The following MED14 variants were observed in gnomAD, a reference collection of about 807,000 sequenced individuals.
The protein encoded by MED14 is mediator complex subunit 14, also known as mediator of RNA polymerase II transcription subunit 14.
Under a neutral mutation model 109.0 loss-of-function variants are expected in MED14, and 8 were observed. The ratio of observed to expected loss-of-function variants is 0.07; its 90% CI spans 0.04 to 0.13. The LOEUF (loss-of-function observed/expected upper bound fraction) is 0.13, where lower values mean the gene tolerates loss of function less well. Among genes scored for constraint, MED14 ranks in the 10% least tolerant of loss-of-function variants. The pLI is 1.00. For synonymous variants in MED14, 399 were observed against 408.7 expected (o/e 0.98, Z 0.29); for missense variants, 711 against 1,142.4 (o/e 0.62, Z 5.44).
rs768188941 is a variant in MED14 at position 40,673,148 on chromosome X, C to T, written c.3022-1176G>A. 6.3e-5 allele frequency among the ~76,000 whole-genome samples: 7 copies of T among 111,936 alleles called. No individual in the cohort carries two copies. The East Asian group carries it at 2.0e-3, about 31-fold the overall frequency. On this transcript the variant is annotated intron_variant, in intron 22 of 30. Transcript: ENST00000324817. ...CAGATATCTGATAAACAGAAAAAAA[C>T]TGAAAACTGAAACTGCTCAATCAAA... is the stretch of plus-strand genomic sequence containing the variant.
intron 16 of MED14, among the ~76,000 whole-genome samples, chrX:40,686,627 T>C (rs1242737856): frequency 8.9e-6 from 1 of 111,942 alleles, no homozygotes; most frequent in African/African-American, 3.2e-5. Flanking sequence ...ATGGGTTATG[T>C]GACACTATTT....
At chrX:40,717,968 T>G (rs953258111) in intron 3 of MED14, among the ~76,000 whole-genome samples, 1 of 112,369 alleles carries the variant, frequency 8.9e-6, no homozygotes, top group Non-Finnish European at 1.9e-5. Context: ...CTCAGTGTTT[T>G]CAAACATTTT....
At chrX:40,670,025 C>A (rs888995323) in intron 23 of MED14, among the ~76,000 whole-genome samples, 2 of 111,607 alleles carry the variant, frequency 1.8e-5, no homozygotes, top group African/African-American at 6.5e-5. Context: ...CACAACCCAC[C>A]CCCCAAATAA....
rs778829013 is a variant in MED14, at chrX:40,654,800, C to T, written c.4098+135G>A. ...AGGAACCAGGATGTCATGACATCTA[C>T]GCTGACAATTAAGGAATCCTGGCCT... On this transcript the variant is annotated intron_variant, in intron 29 of 30. Coordinates refer to ENST00000324817, the MANE Select transcript of MED14 (RefSeq NM_004229.4). 1.9e-5 allele frequency: 16 copies of T among 850,158 alleles called. No individual in the cohort carries two copies. The South Asian group carries it at 2.6e-4, about 14-fold the overall frequency. 70.1% of individuals were successfully genotyped at this position (850,158 alleles called of 1,213,427 possible). A position where few individuals can be genotyped will look rare whatever the true frequency, so the allele number is the denominator to read the frequency against.
intron 3 of MED14, among the ~76,000 whole-genome samples, chrX:40,720,992 C>T (rs1197119104): frequency 1.8e-5 from 2 of 110,775 alleles, no homozygotes; most frequent in Non-Finnish European, 3.8e-5. Context: ...TAACCAGCGG[C>T]GATACCCAGG....
intron 12 of MED14, among the ~76,000 whole-genome samples, chrX:40,698,783 G>C (rs1428528477): frequency 1.8e-5 from 2 of 112,223 alleles, no homozygotes; most frequent in Non-Finnish European, 3.8e-5. Flanking sequence ...CAAGGATGTA[G>C]AGAAATGGAA....
intron 3 of MED14, among the ~76,000 whole-genome samples, chrX:40,724,251 C>A (rs1931827322): frequency 8.9e-6 from 1 of 112,441 alleles, no homozygotes; most frequent in Non-Finnish European, 1.9e-5. Flanking sequence ...GACTTCAACA[C>A]CCCGCTTTCA....
chrX:40,730,910 C>CG (rs1015683499), intron 1 of MED14, among the ~76,000 whole-genome samples: 2 of 46,601 alleles, frequency 4.3e-5, no homozygotes, highest in Non-Finnish European at 8.1e-5. Context: ...GGCTTGGTGG[C>CG]GGGGGGGTGG....
intron 10 of MED14, among the ~76,000 whole-genome samples, chrX:40,707,279 C>T (rs1213765895): frequency 8.9e-6 from 1 of 112,265 alleles, no homozygotes; most frequent in Non-Finnish European, 1.9e-5. Context: ...GAGATAACTG[C>T]ATATCCTCAC....
At chrX:40,704,387 A>AGATACAGAGGAGAATGGT (rs1392617386) in intron 10 of MED14, among the ~76,000 whole-genome samples, 1 of 112,171 alleles carries the variant, frequency 8.9e-6, no homozygotes, top group African/African-American at 3.2e-5. Flanking sequence ...AAAAAAAGGC[A>AGATACAGAGGAGAATGGT]GATACAGAGG....
rs750749445 is a variant in MED14 at position 40,729,298 on chromosome X, GTT to G, written c.242+19_242+20del. 1 of 1,068,937 alleles carries G rather than the reference GTT, an allele frequency of 9.4e-7. No individual in the cohort carries two copies. Among genetic ancestry groups the G allele is most frequent in the Admixed American group, 2.6e-5 (1 of 38,574 alleles). The allele number at this position is 1,068,937 out of a possible 1,213,427, so 88.1% of individuals were successfully genotyped here. A position where few individuals can be genotyped will look rare whatever the true frequency, so the allele number is the denominator to read the frequency against. On this transcript the variant is annotated intron_variant, in intron 2 of 30. Coordinates refer to ENST00000324817, the MANE Select transcript of MED14 (RefSeq NM_004229.4). ...ATTGATCAATAAAGAGACTTTAAGGGTTTTTTTTTTCCATACTCACCTTTCCA... is the reference window on the plus strand; with the variant it reads ...ATTGATCAATAAAGAGACTTTAAGGGTTTTTTTTCCATACTCACCTTTCCA...
upstream of MED14, chrX:40,735,576 A>C: frequency 3.7e-6 from 2 of 543,819 alleles, no homozygotes; most frequent in Non-Finnish European, 6.3e-6. Flanking sequence ...GCCCGCCCCC[A>C]TGTAGCGAGA....
At chrX:40,692,557 C>T (rs1930561685) in intron 14 of MED14, 151 bp downstream of exon 14, 1 of 579,145 alleles carries the variant, frequency 1.7e-6, no homozygotes, top group South Asian at 3.5e-5. Flanking sequence ...GAAGCATTTT[C>T]AAGAAAATGT....
At chrX:40,734,286 T>C (rs900886051) in intron 1 of MED14, among the ~76,000 whole-genome samples, 1 of 112,002 alleles carries the variant, frequency 8.9e-6, no homozygotes, top group East Asian at 2.8e-4. Context: ...GTACAATACA[T>C]CAAAACTGAG....
At chrX:40,657,415 T>C (rs1341885589) in intron 28 of MED14, among the ~76,000 whole-genome samples, 1 of 110,645 alleles carries the variant, frequency 9.0e-6, no homozygotes, top group African/African-American at 3.3e-5. Flanking sequence ...GAGAACACCA[T>C]GTGACGACAG....
In MED14 at chrX:40,657,176, C is replaced by T. The variant is rs1018635034; in HGVS notation, c.3972+2051G>A. 2.7e-5 allele frequency among the ~76,000 whole-genome samples: 3 copies of T among 111,499 alleles called. No individual in the cohort carries two copies. The Admixed American group carries it at 2.8e-4, about 11-fold the overall frequency. ...AGTGCTGGGATTACAGGCATGAGCC[C>T]CCATGCCCAGCCAAAAGCCATCTTT... On this transcript the variant is annotated intron_variant, in intron 28 of 30. Coordinates refer to ENST00000324817, the MANE Select transcript of MED14 (RefSeq NM_004229.4).
At chrX:40,686,253 G>A (rs775504599) in intron 16 of MED14, among the ~76,000 whole-genome samples, 3 of 111,375 alleles carry the variant, frequency 2.7e-5, no homozygotes, top group Non-Finnish European at 5.7e-5. Context: ...GGACTCTTAC[G>A]CATTCTCTTG....
chrX:40,654,706 A>T (rs754390046), intron 29 of MED14, 150 bp from the exon 30 acceptor site: 2 of 702,633 alleles, frequency 2.8e-6, no homozygotes, highest in East Asian at 7.0e-5. Flanking sequence ...CAAACAACTG[A>T]ATATTATGGT....
rs1425488982 is a variant in MED14 at position 40,679,921 on chromosome X, A to G, written c.2823T>C (p.Tyr941=). The change falls in exon 21 of 31, where the codon TAT becomes TAC. Residue 941 remains tyrosine (Y), a synonymous_variant. Transcript: ENST00000324817. ...CTAGTTTGCTGTTATCAAAAAGACT[A>G]TAGGCACCATCCCGTATTGCCACAA... The part of the protein sequence containing the change: ...RGVVAIRDGA[Y]SLFDNSKLVE... 10 of 1,210,868 alleles carry G rather than the reference A, an allele frequency of 8.3e-6. No individual in the cohort carries two copies. Among genetic ancestry groups the G allele is most frequent in the Admixed American group, 2.2e-5 (1 of 46,029 alleles).
Sources: allele counts gnomAD v4.1 joint callset (sites outside exome capture counted in the v4.1 genomes callset), GRCh38; gene constraint gnomAD v4.1.1; transcripts MANE v1.5; gene names NCBI Gene and HGNC (gene_info 2026-07-23, HGNC 2026-07-21).